Variants in MYBL1 observed in about 807,000 individuals in gnomAD.
The protein encoded by MYBL1 is myb-related protein A.
MYBL1 carries 17 observed loss-of-function variants against 96.3 expected under a neutral mutation model. The ratio of observed to expected loss-of-function variants is 0.18; its 90% CI spans 0.12 to 0.26. The LOEUF (loss-of-function observed/expected upper bound fraction) is 0.26. Among genes scored for constraint, MYBL1 ranks in the 10% least tolerant of loss-of-function variants. MYBL1 has a pLI of 1.00. For synonymous variants in MYBL1, 282 were observed against 292.7 expected (o/e 0.96, Z 0.37); for missense variants, 701 against 882.9 (o/e 0.79, Z 2.61).
At position 66,612,744 on chromosome 8, in the gene MYBL1, G is replaced by A. The variant is rs1377346647; in HGVS notation, c.20+75C>T. 6.9e-6 allele frequency: 9 copies of A among 1,310,928 alleles called. No homozygotes were observed. In the South Asian group the frequency reaches 1.0e-4, roughly 15 times the overall value. The allele number at this position is 1,310,928 out of a possible 1,614,324, so 81.2% of individuals were successfully genotyped here. A position where few individuals can be genotyped will look rare whatever the true frequency, so the allele number is the denominator to read the frequency against. On this transcript the variant is annotated intron_variant, in intron 1 of 15. Transcript: ENST00000522677. ...CGCCAGGGAGGGCCTTATGGCGGGAGGGGGCAGCGGGATAGGAAAGAGAAT... is the reference window on the plus strand; with the variant it reads ...CGCCAGGGAGGGCCTTATGGCGGGAAGGGGCAGCGGGATAGGAAAGAGAAT...
At chr8:66,589,389 C>T (rs914769918) in intron 8 of MYBL1, among the ~76,000 whole-genome samples, 1 of 151,666 alleles carries the variant, frequency 6.6e-6, no homozygotes, top group South Asian at 2.1e-4. Context: ...CATAGCTCAC[C>T]GCAGCCTCAA....
Position 66,607,327 on chromosome 8 carries a change from A to ACC in MYBL1, c.21-4805_21-4804insGG, listed in dbSNP as rs1227778054. Among the ~76,000 whole-genome samples the ACC allele has an allele frequency of 2.1e-3, 317 of 152,244 alleles. 1 individual carries two copies. The highest frequency in any genetic ancestry group is 6.8e-3 in the Middle Eastern group (2 of 292). On this transcript the variant is annotated intron_variant, in intron 1 of 15. Coordinates refer to ENST00000522677, the MANE Select transcript of MYBL1 (RefSeq NM_001080416.4). ...ACACCACACTGCAGCTTTCTGTCCT[A>ACC]TTTGTATGTACTAAGAGCACCTACC... is the stretch of plus-strand genomic sequence containing the variant.
chr8:66,607,891 C>T (rs748332059), intron 1 of MYBL1, among the ~76,000 whole-genome samples: 2 of 152,170 alleles, frequency 1.3e-5, no homozygotes, highest in Non-Finnish European at 2.9e-5. Context: ...ATGCTTTTCA[C>T]AGGGTCTCTT....
rs191496771 is a variant in MYBL1 at position 66,595,265 on chromosome 8, C to T, written c.687+318G>A. 3.9e-4 allele frequency among the ~76,000 whole-genome samples: 60 copies of T among 152,142 alleles called. No individual in the cohort carries two copies. The East Asian group carries it at 0.01, about 25-fold the overall frequency. On this transcript the variant is annotated intron_variant, in intron 6 of 15. Coordinates refer to ENST00000522677, the MANE Select transcript of MYBL1 (RefSeq NM_001080416.4). ...TTAGAGATAAGCAATACTATAATTA[C>T]GCCAAAATTGTTTAAATGGAAAGTA...
At chr8:66,580,023 A>T in intron 9 of MYBL1, 110 bp downstream of exon 9, 2 of 781,302 alleles carry the variant, frequency 2.6e-6, no homozygotes, top group Non-Finnish European at 4.0e-6. Context: ...GAACAAAATT[A>T]AGCATGGCAT....
In MYBL1 at chr8:66,601,708, C is replaced by G. The variant is rs1810080149; in HGVS notation, c.188G>C (p.Ser63Thr). The G allele has an allele frequency of 6.6e-7, 1 of 1,507,244 alleles. No individual in the cohort carries two copies. Among genetic ancestry groups the G allele is most frequent in the Admixed American group, 2.0e-5 (1 of 49,880 alleles). 93.4% of individuals were successfully genotyped at this position (1,507,244 alleles called of 1,614,324 possible). Residue 63 changes from serine (S) to threonine (T), a missense_variant, in exon 3 of 16, where the codon AGT becomes ACT. Ser to Thr is a moderately conservative substitution (Grantham distance 58). Coordinates refer to ENST00000522677, the MANE Select transcript of MYBL1 (RefSeq NM_001080416.4). ...HGTDDWTLIA[S>T]HLQNRSDFQC... is the part of the protein sequence containing the mutation. ...TAATATTTCACTTACTTGAAGATGACTAGCAATTAGAGTCCAATCATCAGT... is the reference window on the plus strand; with the variant it reads ...TAATATTTCACTTACTTGAAGATGAGTAGCAATTAGAGTCCAATCATCAGT...
At chr8:66,580,047 C>T in intron 9 of MYBL1, 86 bp downstream of exon 9, 1 of 991,274 alleles carries the variant, frequency 1.0e-6, no homozygotes, top group Non-Finnish European at 1.5e-6. Flanking sequence ...AAACATAAAA[C>T]TGGTCAATGT....
Position 66,576,140 on chromosome 8 carries a change from A to G in MYBL1, c.1337T>C (p.Ile446Thr). ...NIAKFSTPPA[I>T]LRKKRKMRVG... ...TCGCATTTTTCTCTTCTTTCTGAGGATGGCTGGTGGAGTGCTAAACTTGGC... is the reference window on the plus strand; with the variant it reads ...TCGCATTTTTCTCTTCTTTCTGAGGGTGGCTGGTGGAGTGCTAAACTTGGC... Residue 446 changes from isoleucine (I) to threonine (T), a missense_variant, in exon 10 of 16, where the codon ATC becomes ACC. By Grantham distance (89) the Ile-to-Thr change is moderately conservative (BLOSUM62 -1). This residue lies in a region of MYBL1 where 396 missense variants were observed against 407.4 expected (regional missense o/e 0.97). Transcript: ENST00000522677. 6.2e-7 allele frequency: 1 copy of G among 1,613,946 alleles called. No homozygotes were observed. Among genetic ancestry groups the G allele is most frequent in the Non-Finnish European group, 8.5e-7 (1 of 1,179,886 alleles).
rs1478846468 is a variant in MYBL1, at chr8:66,563,274, T to C, written c.*1423A>G. ...TTTCTATAGCAGCATACTTCAGGAG[T>C]GGAGAGGGAGAGAGTGTGTCAATTA... On this transcript the variant is annotated 3_prime_UTR_variant, in exon 16 of 16. Transcript: ENST00000522677. 1.3e-5 allele frequency: 2 copies of C among 152,240 alleles called. No homozygotes were observed. Among genetic ancestry groups the C allele is most frequent in the Non-Finnish European group, 2.9e-5 (2 of 67,948 alleles). The allele number at this position is 152,240 out of a possible 1,614,324, so 9.4% of individuals were successfully genotyped here.
At chr8:66,574,731 T>C (rs1159714302) in intron 10 of MYBL1, among the ~76,000 whole-genome samples, 2 of 152,228 alleles carry the variant, frequency 1.3e-5, no homozygotes, top group Non-Finnish European at 2.9e-5. Flanking sequence ...TAACTCCTTT[T>C]GAAAGAGCAT....
chr8:66,576,976 C>T (rs969292729), intron 9 of MYBL1, among the ~76,000 whole-genome samples: 2 of 152,092 alleles, frequency 1.3e-5, no homozygotes, highest in African/African-American at 2.4e-5. Context: ...AAGACAAAAA[C>T]CACATGATTA....
intron 1 of MYBL1, among the ~76,000 whole-genome samples, chr8:66,611,734 C>T (rs781635578): frequency 6.6e-6 from 1 of 152,164 alleles, no homozygotes; most frequent in Non-Finnish European, 1.5e-5. Flanking sequence ...AAGCATCCTG[C>T]ACACAGCAGA....
At chr8:66,585,162 G>A (rs896767985) in intron 8 of MYBL1, among the ~76,000 whole-genome samples, 5 of 152,066 alleles carry the variant, frequency 3.3e-5, no homozygotes, top group African/African-American at 1.2e-4. Context: ...TCTATATAGA[G>A]CTGTAGTAAC....
Position 66,587,789 on chromosome 8 carries a change from G to A in MYBL1, c.867+4651C>T, listed in dbSNP as rs1586577751. ...CATATAAGCAACTGATATGTGGCTA[G>A]TGCAACTAATGAACTGAATTTTAAG... On this transcript the variant is annotated intron_variant, in intron 8 of 15. Transcript: ENST00000522677. 5.9e-5 allele frequency among the ~76,000 whole-genome samples: 9 copies of A among 152,302 alleles called. 1 individual carries two copies. In the South Asian group the frequency reaches 1.7e-3, roughly 28 times the overall value.
chr8:66,565,052 T>C (rs374115098), intron 15 of MYBL1: 11 of 255,694 alleles, frequency 4.3e-5, no homozygotes, highest in Middle Eastern at 1.4e-3. Flanking sequence ...GCTATCTATA[T>C]TGCTTACAGG....
chr8:66,580,065 T>C, intron 9 of MYBL1, 68 bp downstream of exon 9: 2 of 1,196,710 alleles, frequency 1.7e-6, no homozygotes, highest in Non-Finnish European at 2.4e-6. Flanking sequence ...TGTCCAAAAC[T>C]GAGTTTCTGA....
At chr8:66,591,028 G>A (rs945685719) in intron 8 of MYBL1, among the ~76,000 whole-genome samples, 2 of 152,086 alleles carry the variant, frequency 1.3e-5, no homozygotes, top group Admixed American at 6.6e-5. Context: ...TGTACCCCAC[G>A]AATATGTACA....
intron 9 of MYBL1, among the ~76,000 whole-genome samples, chr8:66,577,029 C>A (rs933493545): frequency 1.1e-4 from 16 of 151,938 alleles, no homozygotes; most frequent in Non-Finnish European, 1.9e-4. Context: ...ATTCAACAAC[C>A]CTTCATGCTA....
At chr8:66,574,896 A>G (rs758341341) in intron 10 of MYBL1, among the ~76,000 whole-genome samples, 1 of 152,166 alleles carries the variant, frequency 6.6e-6, no homozygotes, top group South Asian at 2.1e-4. Flanking sequence ...CTTTACTAAA[A>G]ATACAAAATT....
Sources: allele counts gnomAD v4.1 joint callset (sites outside exome capture counted in the v4.1 genomes callset), GRCh38; gene constraint gnomAD v4.1.1; regional missense constraint gnomAD v4.1.1; transcripts MANE v1.5; gene names NCBI Gene and HGNC (gene_info 2026-07-23, HGNC 2026-07-21).